The following CLHC1 variants were observed in gnomAD, a reference collection of about 807,000 sequenced individuals.
CLHC1 encodes the protein clathrin heavy chain linker domain-containing protein 1.
In CLHC1, 72 loss-of-function variants were observed where a neutral mutation model predicts 69.5. The observed-to-expected ratio is 1.04, with a 90% CI of 0.86 to 1.26. The LOEUF is 1.26. CLHC1 is among the 50% of genes most tolerant of loss of function. The probability of loss-of-function intolerance (pLI) is 0.00; values close to 1 mark genes in which losing one functional copy is unlikely to be tolerated. For synonymous variants in CLHC1, 223 were observed against 224.3 expected, an observed-to-expected ratio of 0.99 and a Z score of 0.05; for missense variants, 790 against 679.3, an observed-to-expected ratio of 1.16 and a Z score of -1.81.
intron 9 of CLHC1, among the ~76,000 whole-genome samples, chr2:55,198,948 C>A (rs560783102): frequency 2.0e-5 from 3 of 152,224 alleles, no homozygotes; most frequent in Admixed American, 2.0e-4. Flanking sequence ...GAAATAAAGA[C>A]TCTCCCAGAC....
chr2:55,209,067 G>A (rs1168413151), intron 7 of CLHC1, among the ~76,000 whole-genome samples: 1 of 151,864 alleles, frequency 6.6e-6, no homozygotes, highest in Non-Finnish European at 1.5e-5. Context: ...TAGAGACGGG[G>A]TTTCACTGTG....
intron 8 of CLHC1, 107 bp downstream of exon 8, chr2:55,208,519 T>C (rs1386553373): frequency 8.7e-6 from 6 of 688,924 alleles, no homozygotes; most frequent in African/African-American, 7.2e-5. Context: ...ATTATAATCC[T>C]CTTATCTCCT....
At chr2:55,196,098 T>C (rs1032371162) in intron 9 of CLHC1, among the ~76,000 whole-genome samples, 2 of 152,112 alleles carry the variant, frequency 1.3e-5, no homozygotes, top group African/African-American at 4.8e-5. Flanking sequence ...GAAAGCAACA[T>C]CAGGCAGAAC....
chr2:55,212,745 A>G lies in CLHC1; in HGVS notation c.427T>C (p.Cys143Arg). The change falls in exon 5 of 13, where the codon TGT becomes CGT. Residue 143 changes from cysteine to arginine, a missense_variant. Physicochemically the swap from Cys to Arg is radical, Grantham distance 180. Transcript: ENST00000401408. The part of the protein sequence containing the change: ...IQSQIDHIKQ[C>R]RAEYDTKEVK... The stretch of plus-strand genomic sequence containing the variant: ...TCTTTTGTGTCATACTCTGCCCTAC[A>G]CTGCTTGATGTGATCTATTTGAGAT... 6.3e-7 allele frequency: 1 copy of G among 1,597,438 alleles called. No individual in the cohort carries two copies.
intron 9 of CLHC1, among the ~76,000 whole-genome samples, chr2:55,200,239 A>AAC (rs1396084277): frequency 1.4e-5 from 2 of 140,348 alleles, no homozygotes; most frequent in Non-Finnish European, 3.1e-5. Context: ...AAAAAAAAAA[A>AAC]AAAAAACAGT....
At chr2:55,176,915 C>T (rs1440634217) in intron 12 of CLHC1, among the ~76,000 whole-genome samples, 1 of 152,138 alleles carries the variant, frequency 6.6e-6, no homozygotes, top group Non-Finnish European at 1.5e-5. Context: ...GTGTCTCACC[C>T]AGGCTGGAGT....
chr2:55,177,648 T>C lies in CLHC1; in HGVS notation c.1518A>G (p.Lys506=). 6.2e-7 allele frequency: 1 copy of C among 1,609,044 alleles called. No individual in the cohort carries two copies. The highest frequency in any genetic ancestry group is 8.5e-7 in the Non-Finnish European group (1 of 1,177,408). ...CTTGAAGTAGCTTAATGCCAACTTT[T>C]TTCATGTCTGCAGAGAACAGATGAA... The part of the protein sequence containing the change: ...AILHLFSADM[K]KVGIKLLQEI... Residue 506 remains lysine, a synonymous_variant, in exon 12 of 13, where the codon AAA becomes AAG. Transcript: ENST00000401408.
intron 11 of CLHC1, among the ~76,000 whole-genome samples, chr2:55,179,490 T>G: frequency 6.6e-6 from 1 of 152,108 alleles, no homozygotes; most frequent in Non-Finnish European, 1.5e-5. Flanking sequence ...TAAGAAAAAG[T>G]CAATTAATTG....
intron 9 of CLHC1, among the ~76,000 whole-genome samples, chr2:55,193,756 C>T (rs1381540928): frequency 6.6e-6 from 1 of 152,124 alleles, no homozygotes; most frequent in Non-Finnish European, 1.5e-5. Flanking sequence ...TTTAGCTTGG[C>T]AATTTCACTC....
chr2:55,223,952 C>A (rs1396964903), intron 2 of CLHC1: 1 of 152,642 alleles, frequency 6.6e-6, no homozygotes, highest in Non-Finnish European at 1.5e-5. Flanking sequence ...CCCGCCACCA[C>A]GCCCGGCTAA....
At chr2:55,204,037 C>T (rs1444543343) in intron 9 of CLHC1, among the ~76,000 whole-genome samples, 2 of 152,194 alleles carry the variant, frequency 1.3e-5, no homozygotes, top group Admixed American at 1.3e-4. Flanking sequence ...GTAATCCCAA[C>T]ACTTTGGGAG....
At chr2:55,179,697 C>T (rs1394569416) in intron 11 of CLHC1, among the ~76,000 whole-genome samples, 1 of 152,062 alleles carries the variant, frequency 6.6e-6, no homozygotes, top group Non-Finnish European at 1.5e-5. Context: ...CAAACTAGAT[C>T]CAGAATAAGA....
chr2:55,227,415 C>A (rs1326907077), intron 2 of CLHC1, among the ~76,000 whole-genome samples: 2 of 152,082 alleles, frequency 1.3e-5, no homozygotes, highest in Non-Finnish European at 2.9e-5. Context: ...CGCGGTGGCT[C>A]ACGCCTATAA....
chr2:55,196,616 G>GTCCT lies in CLHC1; in HGVS notation c.1006+9653_1006+9654insAGGA, dbSNP rs1276748733. 8.5e-5 allele frequency among the ~76,000 whole-genome samples: 13 copies of GTCCT among 152,184 alleles called. No individual in the cohort carries two copies. In the South Asian group the frequency reaches 1.0e-3, roughly 12 times the overall value. On this transcript the variant is annotated intron_variant, in intron 9 of 12. Transcript: ENST00000401408. ...CAGAAGGGAAGCCACTGTCTTGAAA[G>GTCCT]GAAGGACCCAATCCTGGCAGGACTC...
chr2:55,194,809 T>G (rs1394691767), intron 9 of CLHC1, among the ~76,000 whole-genome samples: 1 of 152,204 alleles, frequency 6.6e-6, no homozygotes, highest in Non-Finnish European at 1.5e-5. Flanking sequence ...ATATACATAG[T>G]GAAACGATTA....
At chr2:55,222,645 C>T (rs1043497856) in intron 2 of CLHC1, among the ~76,000 whole-genome samples, 152 bp from the exon 3 acceptor site, 2 of 152,082 alleles carry the variant, frequency 1.3e-5, no homozygotes, top group African/African-American at 2.4e-5. Flanking sequence ...TGCTGCCAAG[C>T]GTGGTGGCTC....
Position 55,175,541 on chromosome 2 carries a change from G to C in CLHC1, c.*249C>G. 1 of 462,704 alleles carries C rather than the reference G, an allele frequency of 2.2e-6. No individual in the cohort carries two copies. Among genetic ancestry groups the C allele is most frequent in the South Asian group, 3.4e-5 (1 of 29,070 alleles). The allele number at this position is 462,704 out of a possible 1,614,324, so 28.7% of individuals were successfully genotyped here. A position where few individuals can be genotyped will look rare whatever the true frequency, so the allele number is the denominator to read the frequency against. On this transcript the variant is annotated 3_prime_UTR_variant, in exon 13 of 13. Transcript: ENST00000401408. ...TCCTTAGATAAAAATGCCCTACACT[G>C]TTTCACACAAAGTTATAATCTTGGA...
intron 9 of CLHC1, among the ~76,000 whole-genome samples, chr2:55,199,498 TC>T (rs1416723713): frequency 2.0e-5 from 3 of 151,902 alleles, no homozygotes; most frequent in Admixed American, 2.0e-4. Context: ...GATGAACTGA[TC>T]AAAAATAATT....
intron 2 of CLHC1, among the ~76,000 whole-genome samples, chr2:55,227,636 C>G (rs972432240): frequency 6.7e-6 from 1 of 148,158 alleles, no homozygotes; most frequent in Non-Finnish European, 1.5e-5. Flanking sequence ...CGAGATTGAG[C>G]CACTGCACTC....
Sources: gnomAD v4.1 joint callset for allele counts (sites outside exome capture counted in the v4.1 genomes callset) on GRCh38, gnomAD v4.1.1 for gene constraint, MANE v1.5 for transcripts, NCBI Gene and HGNC (gene_info 2026-07-23, HGNC 2026-07-21) for gene names.